Variants in MBTPS1 observed in about 807,000 individuals in gnomAD.
MBTPS1 encodes membrane-bound transcription factor site-1 protease.
Under a neutral mutation model 127.8 loss-of-function variants are expected in MBTPS1, and 94 were observed. The observed-to-expected ratio is 0.74, with a 90% CI of 0.62 to 0.87. The LOEUF (loss-of-function observed/expected upper bound fraction) is 0.87, where lower values mean the gene tolerates loss of function less well. MBTPS1 is among the 40% of genes least tolerant of loss of function. The pLI, the probability that MBTPS1 is intolerant of heterozygous loss-of-function variation, is 0.00. For missense variants in MBTPS1, 1,636 were observed against 1,353.2 expected (o/e 1.21, Z -3.28); for synonymous variants, 632 against 509.4 (o/e 1.24, Z -3.24).
At chr16:84,072,891 T>C (rs1284178068) in intron 12 of MBTPS1, among the ~76,000 whole-genome samples, 1 of 152,212 alleles carries the variant, frequency 6.6e-6, no homozygotes, top group Middle Eastern at 3.2e-3. Flanking sequence ...GGACAGAATT[T>C]GGTAGGATGT....
rs1214684221 is a variant in MBTPS1, at chr16:84,095,726, G to C, written c.501C>G (p.Leu167=). The part of the protein sequence containing the change: ...QSSRPLRRAS[L]SLGSGFWHAT... Reference sequence around the variant, plus strand: ...CATGCCAGAAGCCAGAGCCCAGGGAGAGGCTGGCTCTTCGCAGGGGACGTG... The same window carrying C: ...CATGCCAGAAGCCAGAGCCCAGGGACAGGCTGGCTCTTCGCAGGGGACGTG... The change falls in exon 4 of 23, where the codon CTC becomes CTG. Residue 167 remains leucine (L), a synonymous_variant. Transcript: ENST00000343411. 5 of 1,614,244 alleles carry C rather than the reference G, an allele frequency of 3.1e-6. No individual in the cohort carries two copies.
At chr16:84,091,486 CAAAA>C (rs10714716) in intron 7 of MBTPS1, among the ~76,000 whole-genome samples, 4 of 85,640 alleles carry the variant, frequency 4.7e-5, no homozygotes, top group Non-Finnish European at 2.2e-5. Flanking sequence ...AACTCCATCT[CAAAA>C]AAAAAAAAAA....
At position 84,056,026 on chromosome 16, in the gene MBTPS1, C is replaced by A; in HGVS notation, c.2941G>T (p.Gly981Cys). The change falls in exon 22 of 23, where the codon GGC becomes TGC. Residue 981 changes from glycine to cysteine, a missense_variant. By Grantham distance (159) the Gly-to-Cys change is radical. Transcript: ENST00000343411. Reference sequence around the variant, plus strand: ...TCACCTCCAGGAATGTCCCAGGCGCCGCTCTCTCCAGGGGACAAGGGCCTC... The same window carrying A: ...TCACCTCCAGGAATGTCCCAGGCGCAGCTCTCTCCAGGGGACAAGGGCCTC... ...QVRPLSPGESGAWDIPGGIMP... is the reference protein window; with the variant it reads ...QVRPLSPGESCAWDIPGGIMP... The A allele has an allele frequency of 6.2e-7, 1 of 1,613,382 alleles. No individual in the cohort carries two copies. The highest frequency in any genetic ancestry group is 8.5e-7 in the Non-Finnish European group (1 of 1,179,734).
chr16:84,056,176 T>C (rs760679195), intron 21 of MBTPS1, 41 bp from the exon 22 acceptor site: 4 of 1,569,492 alleles, frequency 2.5e-6, no homozygotes, highest in South Asian at 1.1e-5. Flanking sequence ...AATAAGCCAT[T>C]GTACTAGTCT....
Position 84,054,401 on chromosome 16 carries a change from C to T in MBTPS1, c.*48G>A. The stretch of plus-strand genomic sequence containing the variant: ...CCACAGCTCGGCTCACCCACCAGCG[C>T]CGTCCGTGAAGGCTCTCTCTGGCCC... On this transcript the variant is annotated 3_prime_UTR_variant, in exon 23 of 23. Coordinates refer to ENST00000343411, the MANE Select transcript of MBTPS1 (RefSeq NM_003791.4). 6.6e-7 allele frequency: 1 copy of T among 1,508,732 alleles called. No homozygotes were observed. Among genetic ancestry groups the T allele is most frequent in the Non-Finnish European group, 8.9e-7 (1 of 1,123,066 alleles). The allele number at this position is 1,508,732 out of a possible 1,614,324, so 93.5% of individuals were successfully genotyped here. A position where few individuals can be genotyped will look rare whatever the true frequency, so the allele number is the denominator to read the frequency against.
chr16:84,101,408 T>C (rs568644400), intron 2 of MBTPS1, among the ~76,000 whole-genome samples: 1 of 152,034 alleles, frequency 6.6e-6, no homozygotes, highest in African/African-American at 2.4e-5. Context: ...TGAGAATTGC[T>C]TGAATCCAGG....
At chr16:84,063,773 C>T (rs763839549) in intron 18 of MBTPS1, among the ~76,000 whole-genome samples, 7 of 152,072 alleles carry the variant, frequency 4.6e-5, no homozygotes, top group Non-Finnish European at 1.0e-4. Flanking sequence ...TAAATTGTGT[C>T]CCCTCTTATT....
intron 10 of MBTPS1, among the ~76,000 whole-genome samples, chr16:84,083,507 T>C (rs1276782777): frequency 1.3e-5 from 2 of 151,910 alleles, no homozygotes; most frequent in African/African-American, 4.8e-5. Context: ...CCCCAGCTGC[T>C]CTCAAACTAC....
intron 11 of MBTPS1, among the ~76,000 whole-genome samples, chr16:84,077,234 G>GAAAAA: frequency 1.0e-5 from 1 of 100,272 alleles, no homozygotes; most frequent in Non-Finnish European, 2.0e-5. Flanking sequence ...CATTAAAAAA[G>GAAAAA]AAAAAAAAAA....
chr16:84,091,565 C>T (rs571814877), intron 7 of MBTPS1, among the ~76,000 whole-genome samples, 167 bp downstream of exon 7: 4 of 151,444 alleles, frequency 2.6e-5, no homozygotes, highest in African/African-American at 9.7e-5. Flanking sequence ...CTAACCCACT[C>T]AATTTATGAC....
intron 12 of MBTPS1, among the ~76,000 whole-genome samples, chr16:84,074,067 T>C (rs1289078667): frequency 6.6e-6 from 1 of 152,084 alleles, no homozygotes; most frequent in Admixed American, 6.6e-5. Flanking sequence ...CAAAATTGTA[T>C]AGATGAAAAA....
intron 21 of MBTPS1, chr16:84,057,692 C>G (rs1281556156): frequency 6.6e-6 from 1 of 152,204 alleles, no homozygotes; most frequent in Non-Finnish European, 1.5e-5. Flanking sequence ...CGATCTAGGT[C>G]TCTGGGGACC....
chr16:84,097,168 T>C (rs11863961), intron 3 of MBTPS1, among the ~76,000 whole-genome samples: 1,739 of 152,270 alleles, frequency 0.011, 25 homozygotes, highest in African/African-American at 0.039. Context: ...CTTTGTCTTA[T>C]GGCCCATGGG....
chr16:84,090,589 T>C (rs1041620659), intron 8 of MBTPS1, among the ~76,000 whole-genome samples: 5 of 152,188 alleles, frequency 3.3e-5, no homozygotes, highest in East Asian at 3.9e-4. Flanking sequence ...AAAAAGTAGT[T>C]AGAATAAAAA....
At chr16:84,091,152 T>A (rs2086100497) in intron 7 of MBTPS1, among the ~76,000 whole-genome samples, 1 of 152,110 alleles carries the variant, frequency 6.6e-6, no homozygotes, top group Non-Finnish European at 1.5e-5. Context: ...GATGCTGACT[T>A]TCTAGTCACT....
intron 9 of MBTPS1, 126 bp from the exon 10 acceptor site, chr16:84,085,260 C>A (rs1315264596): frequency 2.1e-6 from 2 of 970,144 alleles, no homozygotes; most frequent in East Asian, 5.3e-5. Context: ...TAGGAAGGTA[C>A]TGGTTTTAGT....
intron 18 of MBTPS1, among the ~76,000 whole-genome samples, chr16:84,064,926 A>G (rs114203238): frequency 1.3e-3 from 195 of 152,334 alleles, no homozygotes; most frequent in African/African-American, 4.6e-3. Context: ...AACTATCCTT[A>G]ACGTCCACGT....
intron 21 of MBTPS1, 75 bp from the exon 22 acceptor site, chr16:84,056,210 C>T: frequency 3.1e-6 from 4 of 1,301,056 alleles, no homozygotes; most frequent in Non-Finnish European, 4.4e-6. Flanking sequence ...GGAAGTTCAA[C>T]TGAAACTCAA....
rs371767276 is a variant in MBTPS1, at chr16:84,069,857, G to C, written c.1955+9C>G. ...TGGGGAGGTGAAGTGCATCCTGTGA[G>C]GTGCTTACCAGTCTAAAGGGTCATT... is the stretch of plus-strand genomic sequence containing the variant. On this transcript the variant is annotated intron_variant, in intron 14 of 22. Coordinates refer to ENST00000343411, the MANE Select transcript of MBTPS1 (RefSeq NM_003791.4). 1.9e-6 allele frequency: 3 copies of C among 1,610,288 alleles called. No individual in the cohort carries two copies. In the African/African-American group the frequency reaches 4.0e-5, roughly 22 times the overall value.
Sources: gnomAD v4.1 joint callset for allele counts (sites outside exome capture counted in the v4.1 genomes callset) on GRCh38, gnomAD v4.1.1 for gene constraint, MANE v1.5 for transcripts, NCBI Gene and HGNC (gene_info 2026-07-23, HGNC 2026-07-21) for gene names.